Variants in PTPRD observed in about 807,000 individuals in gnomAD.
PTPRD encodes receptor-type tyrosine-protein phosphatase delta.
A neutral mutation model predicts 214.5 loss-of-function variants in PTPRD; 34 were observed. The ratio of observed to expected loss-of-function variants is 0.16; its 90% CI spans 0.12 to 0.21. The LOEUF (loss-of-function observed/expected upper bound fraction) is 0.21, where lower values mean the gene tolerates loss of function less well. Among genes scored for constraint, PTPRD ranks in the 10% least tolerant of loss-of-function variants. The pLI is 1.00. For missense variants in PTPRD, 2,545 were observed against 2,398.7 expected, an observed-to-expected ratio of 1.06 and a Z score of -1.27; for synonymous variants, 1,128 against 845.7, an observed-to-expected ratio of 1.33 and a Z score of -5.79.
At chr9:9,952,835 C>A (rs145106614) in intron 4 of PTPRD, among the ~76,000 whole-genome samples, 1 of 152,104 alleles carries the variant, frequency 6.6e-6, no homozygotes, top group East Asian at 1.9e-4. Flanking sequence ...TATTCCAAAT[C>A]CACTGCACAG....
Position 9,959,744 on chromosome 9 carries a change from T to G in PTPRD, c.-471-21134A>C, listed in dbSNP as rs1048710716. On this transcript the variant is annotated intron_variant, in intron 4 of 45. Transcript: ENST00000381196. Reference sequence around the variant, plus strand: ...GGTTAACAATTCTGATACTGCTACATGAATGTATTGGAATGGAACTGAATA... The same window carrying G: ...GGTTAACAATTCTGATACTGCTACAGGAATGTATTGGAATGGAACTGAATA... Among the ~76,000 whole-genome samples, 4 of 152,264 alleles carry G rather than the reference T, an allele frequency of 2.6e-5. No homozygotes were observed. The East Asian group carries it at 7.7e-4, about 29-fold the overall frequency.
At chr9:9,651,382 T>C (rs1486431681) in intron 7 of PTPRD, among the ~76,000 whole-genome samples, 1 of 152,188 alleles carries the variant, frequency 6.6e-6, no homozygotes, top group African/African-American at 2.4e-5. Flanking sequence ...TTCCTGAACC[T>C]CTTCCTCCTC....
At chr9:8,649,990 T>G (rs574092571) in intron 12 of PTPRD, among the ~76,000 whole-genome samples, 250 of 152,262 alleles carry the variant, frequency 1.6e-3, no homozygotes, top group African/African-American at 5.7e-3. Flanking sequence ...TAATCATGGT[T>G]CACTGCAGCC....
chr9:9,581,826 T>C (rs758149254), intron 7 of PTPRD, among the ~76,000 whole-genome samples: 6 of 152,178 alleles, frequency 3.9e-5, no homozygotes, highest in Admixed American at 6.6e-5. Flanking sequence ...TACAATGGTA[T>C]ATAATGCTTG....
intron 7 of PTPRD, among the ~76,000 whole-genome samples, chr9:9,675,413 T>A (rs575930430): frequency 2.0e-5 from 3 of 151,434 alleles, no homozygotes; most frequent in African/African-American, 7.3e-5. Flanking sequence ...AAGAAATAAA[T>A]AGAAAACAAT....
Position 8,566,100 on chromosome 9 carries a change from A to ATGTGTGTGTGTGTGTGTGTGTGTG in PTPRD, c.353-37345_353-37322dup, listed in dbSNP as rs139478736. On this transcript the variant is annotated intron_variant, in intron 14 of 45. Coordinates refer to ENST00000381196, the MANE Select transcript of PTPRD (RefSeq NM_002839.4). ...AAAAGATATATACTGAATGCAAAAT[A>ATGTGTGTGTGTGTGTGTGTGTGTG]TGTGTGTGTGTGTGTGTGTGTGTGT... 8.6e-4 allele frequency among the ~76,000 whole-genome samples: 118 copies of ATGTGTGTGTGTGTGTGTGTGTGTG among 137,922 alleles called. 1 individual carries two copies. The highest frequency in any genetic ancestry group is 1.4e-3 in the Non-Finnish European group (88 of 64,550). The allele number at this position is 137,922 out of a possible 152,430, so 90.5% of individuals were successfully genotyped here.
intron 4 of PTPRD, among the ~76,000 whole-genome samples, chr9:9,995,809 T>C (rs149654841): frequency 4.6e-5 from 7 of 152,298 alleles, no homozygotes; most frequent in African/African-American, 1.7e-4. Flanking sequence ...GATTATATTC[T>C]TATATTTTTA....
intron 4 of PTPRD, among the ~76,000 whole-genome samples, chr9:10,000,062 G>T (rs1344282077): frequency 6.6e-6 from 1 of 152,138 alleles, no homozygotes; most frequent in African/African-American, 2.4e-5. Context: ...TTTAGCCACC[G>T]AATAATGTAT....
At chr9:10,379,018 T>C (rs953329148) in intron 2 of PTPRD, among the ~76,000 whole-genome samples, 2 of 152,138 alleles carry the variant, frequency 1.3e-5, no homozygotes, top group African/African-American at 2.4e-5. Flanking sequence ...GTTTTCATTA[T>C]AGAGATCTTT....
At chr9:8,772,332 G>C (rs1389641882) in intron 11 of PTPRD, among the ~76,000 whole-genome samples, 1 of 151,742 alleles carries the variant, frequency 6.6e-6, no homozygotes, top group Non-Finnish European at 1.5e-5. Context: ...GCTCCAATCT[G>C]GGTTTTTAAA....
chr9:9,604,549 A>G (rs1272619312), intron 7 of PTPRD, among the ~76,000 whole-genome samples: 1 of 151,992 alleles, frequency 6.6e-6, no homozygotes, highest in Non-Finnish European at 1.5e-5. Flanking sequence ...TTTTTGGAAA[A>G]CTTTAAATAT....
intron 12 of PTPRD, among the ~76,000 whole-genome samples, chr9:8,726,714 T>C (rs148342169): frequency 0.047 from 6,410 of 135,314 alleles, 488 homozygotes; most frequent in African/African-American, 0.16. Flanking sequence ...GGCAGGAGAA[T>C]TGCTTGAACC....
At chr9:9,122,484 G>T (rs75651656) in intron 10 of PTPRD, among the ~76,000 whole-genome samples, 1,944 of 152,182 alleles carry the variant, frequency 0.013, 43 homozygotes, top group African/African-American at 0.044. Context: ...AGAAGGCATT[G>T]CTCTATTTTT....
chr9:9,099,868 G>A (rs1364326025), intron 10 of PTPRD, among the ~76,000 whole-genome samples: 3 of 151,884 alleles, frequency 2.0e-5, no homozygotes, highest in African/African-American at 7.3e-5. Context: ...AATTAGAGTT[G>A]GAGAGAGCTA....
chr9:10,232,479 G>A (rs959576225), intron 3 of PTPRD, among the ~76,000 whole-genome samples: 3 of 151,944 alleles, frequency 2.0e-5, no homozygotes, highest in African/African-American at 4.8e-5. Context: ...TAAAGGAAGA[G>A]TACAACAAAG....
chr9:10,577,969 T>G (rs1404695644), intron 2 of PTPRD, among the ~76,000 whole-genome samples: 2 of 151,082 alleles, frequency 1.3e-5, no homozygotes, highest in Admixed American at 1.3e-4. Context: ...TGGAGTGCAA[T>G]GGCGTGATCT....
intron 11 of PTPRD, among the ~76,000 whole-genome samples, chr9:9,003,596 CAT>C (rs2099434471): frequency 1.3e-5 from 2 of 152,002 alleles, no homozygotes; most frequent in African/African-American, 4.8e-5. Context: ...GTTAAACAGT[CAT>C]CTAACTCTAG....
chr9:9,933,202 G>GTTAATATGATGTTA (rs2087509081), intron 5 of PTPRD, among the ~76,000 whole-genome samples: 1 of 152,172 alleles, frequency 6.6e-6, no homozygotes, highest in African/African-American at 2.4e-5. Context: ...ACATCATAAT[G>GTTAATATGATGTTA]ACAGGATCAA....
At chr9:8,959,937 G>C (rs2099150285) in intron 11 of PTPRD, among the ~76,000 whole-genome samples, 1 of 152,064 alleles carries the variant, frequency 6.6e-6, no homozygotes, top group African/African-American at 2.4e-5. Flanking sequence ...CACCTATCAT[G>C]TGACAAGTGT....
Sources: allele counts gnomAD v4.1 joint callset (sites outside exome capture counted in the v4.1 genomes callset), GRCh38; gene constraint gnomAD v4.1.1; transcripts MANE v1.5; gene names NCBI Gene and HGNC (gene_info 2026-07-23, HGNC 2026-07-21).